FGF14: variants seen among roughly 807,000 people sequenced by gnomAD.
FGF14 encodes the protein fibroblast growth factor 14, also known as fibroblast growth factor homologous factor 4.
In FGF14, 5 loss-of-function variants were observed where a neutral mutation model predicts 25.5. That is an observed-to-expected ratio of 0.20 (90% CI 0.10 to 0.41). FGF14 has a LOEUF of 0.41. Ranked by LOEUF, FGF14 falls within the 10% of genes least tolerant of loss-of-function variation. The pLI is 1.00. For synonymous variants in FGF14, 138 were observed against 118.3 expected (o/e 1.17, Z -1.08); for missense variants, 222 against 320.1 (o/e 0.69, Z 2.34).
chr13:101,874,835 T>C (rs1247554356), intron 2 of FGF14, among the ~76,000 whole-genome samples: 1 of 152,110 alleles, frequency 6.6e-6, no homozygotes, highest in African/African-American at 2.4e-5. Context: ...GATAAAATAA[T>C]ACATCCAAAG....
intron 1 of FGF14, among the ~76,000 whole-genome samples, chr13:102,308,699 A>C (rs1385957431): frequency 6.6e-6 from 1 of 152,294 alleles, no homozygotes; most frequent in East Asian, 1.9e-4. Flanking sequence ...GGATCAGTCT[A>C]CAATATATCA....
At chr13:102,015,316 C>T (rs895952161) in intron 1 of FGF14, among the ~76,000 whole-genome samples, 2 of 152,196 alleles carry the variant, frequency 1.3e-5, no homozygotes, top group African/African-American at 4.8e-5. Context: ...GCTTTCGTAT[C>T]ACCAAAGGAA....
chr13:101,953,572 A>G (rs866153368), intron 1 of FGF14, among the ~76,000 whole-genome samples: 1,840 of 136,058 alleles, frequency 0.014, 34 homozygotes, highest in African/African-American at 0.046. Flanking sequence ...GTGTGTGTGT[A>G]TATATATATA....
chr13:102,094,095 T>G lies in FGF14; in HGVS notation c.209-218799A>C, dbSNP rs148148683. 2.5e-3 allele frequency among the ~76,000 whole-genome samples: 356 copies of G among 144,916 alleles called. 10 individuals carry two copies. In the East Asian group the frequency reaches 0.056, roughly 23 times the overall value. On this transcript the variant is annotated intron_variant, in intron 1 of 4. Transcript: ENST00000376131. ...GGAAGGAGAGGAGAGGAGAGAAGAC[T>G]CATGAAGCCACTGCTGCAGCTATGC...
chr13:102,161,627 AGAAGAAGAAG>A (rs2047705834), intron 1 of FGF14, among the ~76,000 whole-genome samples: 6 of 20,844 alleles, frequency 2.9e-4, no homozygotes, highest in African/African-American at 1.4e-3. Flanking sequence ...AAGAAGAAGA[AGAAGAAGAAG>A]AAGAAGAAGA....
intron 1 of FGF14, among the ~76,000 whole-genome samples, chr13:102,239,227 A>T (rs890721441): frequency 2.0e-5 from 3 of 152,154 alleles, no homozygotes; most frequent in African/African-American, 7.2e-5. Flanking sequence ...CTGTTTCATC[A>T]TACTGTGGCC....
chr13:102,074,625 C>A, intron 1 of FGF14, among the ~76,000 whole-genome samples: 1 of 152,130 alleles, frequency 6.6e-6, no homozygotes, highest in East Asian at 1.9e-4. Context: ...TAGAAAACGA[C>A]ACTACAAGAA....
At chr13:102,161,591 A>AGAG (rs2047669731) in intron 1 of FGF14, among the ~76,000 whole-genome samples, 4 of 3,920 alleles carry the variant, frequency 1.0e-3, no homozygotes, top group Non-Finnish European at 7.6e-4. Flanking sequence ...AAGAAGAAGA[A>AGAG]GAAGAAGAAG....
chr13:102,263,118 T>C, intron 1 of FGF14: 1 of 625,962 alleles, frequency 1.6e-6, no homozygotes, highest in Non-Finnish European at 3.0e-6. Flanking sequence ...TTCGTCTAAA[T>C]CCACTGGGGA....
chr13:102,378,613 ATC>A (rs1566973625), intron 1 of FGF14, among the ~76,000 whole-genome samples: 5 of 131,736 alleles, frequency 3.8e-5, no homozygotes, highest in Non-Finnish European at 6.5e-5. Flanking sequence ...CTATCTATCT[ATC>A]TATCTATCTA....
chr13:101,805,376 A>G (rs1181742761), intron 3 of FGF14, among the ~76,000 whole-genome samples: 3 of 152,202 alleles, frequency 2.0e-5, no homozygotes, highest in African/African-American at 7.2e-5. Context: ...TTTTTAAAAT[A>G]TAAGAAATAT....
At chr13:101,733,691 G>A (rs2035977727) in intron 3 of FGF14, among the ~76,000 whole-genome samples, 1 of 151,378 alleles carries the variant, frequency 6.6e-6, no homozygotes, top group African/African-American at 2.4e-5. Flanking sequence ...CAACAAAGGA[G>A]TCTCGACAGC....
intron 1 of FGF14, among the ~76,000 whole-genome samples, chr13:102,276,076 T>G (rs1315292147): frequency 6.6e-6 from 1 of 151,932 alleles, no homozygotes; most frequent in East Asian, 1.9e-4. Context: ...TAAAAGTTAG[T>G]AATTCCCTAT....
intron 1 of FGF14, among the ~76,000 whole-genome samples, chr13:102,074,396 C>T (rs998308956): frequency 6.6e-5 from 10 of 152,142 alleles, no homozygotes; most frequent in South Asian, 2.1e-4. Flanking sequence ...CCCTACCTGG[C>T]GAGCATTCTT....
At chr13:102,158,498 C>T (rs9300715) in intron 1 of FGF14, among the ~76,000 whole-genome samples, 68,011 of 142,074 alleles carry the variant, frequency 0.48, 17,447 homozygotes, top group East Asian at 0.85. Flanking sequence ...GGAAGGGGAA[C>T]ATCACACACT....
At chr13:102,397,082 T>C (rs762894123) in intron 1 of FGF14, among the ~76,000 whole-genome samples, 1 of 152,154 alleles carries the variant, frequency 6.6e-6, no homozygotes, top group African/African-American at 2.4e-5. Context: ...TGTGGCCCAT[T>C]TGTGGCTCAC....
chr13:102,103,745 T>C (rs1296784755), intron 1 of FGF14, among the ~76,000 whole-genome samples: 1 of 152,214 alleles, frequency 6.6e-6, no homozygotes, highest in Non-Finnish European at 1.5e-5. Context: ...GAGCAGGTTT[T>C]ATTTTAGGTC....
chr13:101,922,115 G>T (rs972853507), intron 1 of FGF14, among the ~76,000 whole-genome samples: 1 of 152,160 alleles, frequency 6.6e-6, no homozygotes, highest in African/African-American at 2.4e-5. Context: ...GTATTGAAAG[G>T]ATTAAGACAT....
intron 1 of FGF14, among the ~76,000 whole-genome samples, chr13:102,184,602 G>A (rs537993807): frequency 1.8e-3 from 281 of 152,260 alleles, no homozygotes; most frequent in Admixed American, 3.3e-3. Flanking sequence ...TAGTAAATAC[G>A]AGCAGTAATA....
Sources: gnomAD v4.1 joint callset for allele counts (sites outside exome capture counted in the v4.1 genomes callset) on GRCh38, gnomAD v4.1.1 for gene constraint, MANE v1.5 for transcripts, NCBI Gene and HGNC (gene_info 2026-07-23, HGNC 2026-07-21) for gene names.